The following WWOX variants were observed in gnomAD, a reference collection of about 807,000 sequenced individuals.
The protein encoded by WWOX is WW domain-containing oxidoreductase.
A neutral mutation model predicts 46.2 loss-of-function variants in WWOX; 69 were observed. The observed-to-expected ratio is 1.49, with a 90% CI of 1.23 to 1.82. The LOEUF (loss-of-function observed/expected upper bound fraction) is 1.82. Ranked by LOEUF, WWOX falls within the 40% of genes most tolerant of loss-of-function variation. The pLI is 0.00. For missense variants in WWOX, 919 were observed against 542.6 expected (o/e 1.69, Z -6.89); for synonymous variants, 359 against 202.6 (o/e 1.77, Z -6.56).
At chr16:78,982,045 G>A (rs2046692917) in intron 8 of WWOX, among the ~76,000 whole-genome samples, 1 of 152,108 alleles carries the variant, frequency 6.6e-6, no homozygotes, top group African/African-American at 2.4e-5. Flanking sequence ...ACCTATGCTG[G>A]GTGAAACGTG....
intron 8 of WWOX, among the ~76,000 whole-genome samples, chr16:79,074,409 C>CTTTTTTTTGTTTTTTTT (rs2048612463): frequency 3.2e-5 from 1 of 30,976 alleles, no homozygotes; most frequent in Non-Finnish European, 5.5e-5. Flanking sequence ...GTCACTAGTC[C>CTTTTTTTTGTTTTTTTT]TTTTTTTTTT....
chr16:78,974,642 G>A (rs1203222582), intron 8 of WWOX, among the ~76,000 whole-genome samples: 4 of 152,122 alleles, frequency 2.6e-5, no homozygotes, highest in African/African-American at 9.7e-5. Flanking sequence ...AATGTCACCC[G>A]ATGCAACTGT....
chr16:78,599,199 C>T (rs2045564217), intron 8 of WWOX, among the ~76,000 whole-genome samples: 1 of 152,188 alleles, frequency 6.6e-6, no homozygotes, highest in Non-Finnish European at 1.5e-5. Flanking sequence ...TAAATCACCT[C>T]CAAGAATGGG....
At chr16:78,446,194 A>C (rs562843375) in intron 8 of WWOX, among the ~76,000 whole-genome samples, 20 of 152,334 alleles carry the variant, frequency 1.3e-4, no homozygotes, top group African/African-American at 4.8e-4. Flanking sequence ...ATGGTGAAGA[A>C]ATACATACAT....
intron 8 of WWOX, among the ~76,000 whole-genome samples, chr16:78,935,577 A>T (rs2045719244): frequency 2.1e-5 from 3 of 145,218 alleles, no homozygotes; most frequent in Admixed American, 6.9e-5. Context: ...GGACACAGGA[A>T]GGGGAACATC....
At chr16:78,336,459 T>G (rs72792389) in intron 5 of WWOX, among the ~76,000 whole-genome samples, 10,217 of 139,114 alleles carry the variant, frequency 0.073, 480 homozygotes, top group East Asian at 0.22. Flanking sequence ...TGAGCCAAGA[T>G]CTCACCACTG....
At chr16:78,629,941 A>C (rs2046389385) in intron 8 of WWOX, among the ~76,000 whole-genome samples, 1 of 152,158 alleles carries the variant, frequency 6.6e-6, no homozygotes, top group Non-Finnish European at 1.5e-5. Context: ...AAATTATCCA[A>C]ACTCAGTTAA....
chr16:78,765,061 C>G (rs1175802161), intron 8 of WWOX, among the ~76,000 whole-genome samples: 1 of 152,186 alleles, frequency 6.6e-6, no homozygotes, highest in African/African-American at 2.4e-5. Flanking sequence ...GAAGGGAAGT[C>G]TCAGCATCTC....
intron 5 of WWOX, among the ~76,000 whole-genome samples, chr16:78,259,345 G>A (rs2038217895): frequency 6.6e-6 from 1 of 152,148 alleles, no homozygotes; most frequent in South Asian, 2.1e-4. Flanking sequence ...ATTTATTTTT[G>A]AGACAGAGTC....
intron 8 of WWOX, chr16:78,873,231 T>TA (rs35667560): frequency 3.9e-5 from 6 of 152,234 alleles, no homozygotes; most frequent in Non-Finnish European, 7.3e-5. Context: ...TTATGCTTGA[T>TA]AAAAAAAGTT....
At chr16:78,523,430 G>A (rs550293014) in intron 8 of WWOX, among the ~76,000 whole-genome samples, 3 of 152,268 alleles carry the variant, frequency 2.0e-5, no homozygotes, top group Admixed American at 6.5e-5. Flanking sequence ...AATGCCATCC[G>A]GTAATTACCG....
intron 5 of WWOX, among the ~76,000 whole-genome samples, chr16:78,325,103 T>A (rs1438130815): frequency 2.6e-5 from 4 of 152,024 alleles, no homozygotes; most frequent in Non-Finnish European, 5.9e-5. Context: ...AGCCTGGGAG[T>A]GTTGGTCCCG....
chr16:78,733,303 A>T (rs1328378171), intron 8 of WWOX, among the ~76,000 whole-genome samples: 1 of 152,060 alleles, frequency 6.6e-6, no homozygotes, highest in Admixed American at 6.5e-5. Flanking sequence ...AAAAAATAAT[A>T]AATTAGCTGA....
At chr16:78,929,549 T>C (rs1346925084) in intron 8 of WWOX, among the ~76,000 whole-genome samples, 1 of 152,050 alleles carries the variant, frequency 6.6e-6, no homozygotes, top group Non-Finnish European at 1.5e-5. Context: ...GAGATGGCCA[T>C]ACCTTCAGTC....
rs151064245 is a variant in WWOX at position 78,739,893 on chromosome 16, C to G, written c.1056+307141C>G. On this transcript the variant is annotated intron_variant, in intron 8 of 8. Transcript: ENST00000566780. The stretch of plus-strand genomic sequence containing the variant: ...AGCAGGAAATATGTTTTTGAATAAT[C>G]TGGGTCAGAGAATTGTGCATTTATT... 6.9e-3 allele frequency among the ~76,000 whole-genome samples: 1,049 copies of G among 152,238 alleles called. 10 individuals are homozygous for G. The highest frequency in any genetic ancestry group is 0.044 in the South Asian group (213 of 4,824).
In WWOX at chr16:78,814,022, GTTTTC is replaced by G. The variant is rs1252916362; in HGVS notation, c.1056+381279_1056+381283del. 2.6e-5 allele frequency among the ~76,000 whole-genome samples: 4 copies of G among 152,278 alleles called. 1 individual carries two copies. The highest frequency in any genetic ancestry group is 9.6e-5 in the African/African-American group (4 of 41,548). On this transcript the variant is annotated intron_variant, in intron 8 of 8. Transcript: ENST00000566780. ...AAGGCAACTGCTGTTTCTTTTAGGA[GTTTTC>G]TTTTCTTTCCTTGCTGAATATCTGC...
At chr16:78,192,743 TA>T (rs1297780761) in intron 5 of WWOX, among the ~76,000 whole-genome samples, 2 of 152,198 alleles carry the variant, frequency 1.3e-5, no homozygotes, top group East Asian at 3.9e-4. Flanking sequence ...AATCTTTTTT[TA>T]AAAAAGTTTT....
intron 8 of WWOX, chr16:78,691,339 A>T (rs2047983304): frequency 1.4e-6 from 1 of 699,078 alleles, no homozygotes; most frequent in African/African-American, 1.8e-5. Context: ...CATTTTCAAC[A>T]TAGCTTTATC....
intron 8 of WWOX, among the ~76,000 whole-genome samples, chr16:78,831,588 A>T (rs900729775): frequency 6.6e-6 from 1 of 152,128 alleles, no homozygotes; most frequent in African/African-American, 2.4e-5. Context: ...CTGCATGATG[A>T]TTGGGTGCAA....
Sources: allele counts gnomAD v4.1 joint callset (sites outside exome capture counted in the v4.1 genomes callset), GRCh38; gene constraint gnomAD v4.1.1; transcripts MANE v1.5; gene names NCBI Gene and HGNC (gene_info 2026-07-23, HGNC 2026-07-21).